Variants in TMEM62 observed in about 807,000 individuals in gnomAD.
TMEM62 encodes the protein transmembrane protein 62.
TMEM62 carries 41 observed loss-of-function variants against 70.4 expected under a neutral mutation model. The ratio of observed to expected loss-of-function variants is 0.58; its 90% CI spans 0.45 to 0.76. The LOEUF is 0.76. TMEM62 is among the 30% of genes least tolerant of loss of function. The probability of loss-of-function intolerance (pLI) is 0.00; values close to 1 mark genes in which losing one functional copy is unlikely to be tolerated. For synonymous variants in TMEM62, 268 were observed against 291.0 expected (o/e 0.92, Z 0.80); for missense variants, 688 against 788.5 (o/e 0.87, Z 1.53).
intron 3 of TMEM62, among the ~76,000 whole-genome samples, chr15:43,137,302 T>A (rs2035365387): frequency 1.3e-5 from 2 of 152,250 alleles, no homozygotes; most frequent in Admixed American, 1.3e-4. Flanking sequence ...ATCACATGAT[T>A]AAGACAAGAG....
chr15:43,183,624 C>T (rs904015900), intron 13 of TMEM62, among the ~76,000 whole-genome samples: 1 of 152,008 alleles, frequency 6.6e-6, no homozygotes, highest in Non-Finnish European at 1.5e-5. Flanking sequence ...GAACTAATCA[C>T]GATCTGTAAT....
At chr15:43,148,715 A>G in intron 5 of TMEM62, 40 bp from the exon 6 acceptor site, 1 of 1,602,456 alleles carries the variant, frequency 6.2e-7, no homozygotes. Flanking sequence ...TTTTAGCCTG[A>G]GCCCTAATTT....
In TMEM62 at chr15:43,134,355, C is replaced by A; in HGVS notation, c.279C>A (p.Leu93=). The A allele has an allele frequency of 1.2e-6, 2 of 1,613,642 alleles. No homozygotes were observed. Among genetic ancestry groups the A allele is most frequent in the South Asian group, 2.2e-5 (2 of 91,038 alleles). Residue 93 remains leucine (L), a synonymous_variant, in exon 2 of 14, where the codon CTC becomes CTA. Transcript: ENST00000260403. Reference sequence around the variant, plus strand: ...CTATTGACATCATTCAACCAGCTCTCGTCCTAGCAACAGGTAGGGAGGCTT... The same window carrying A: ...CTATTGACATCATTCAACCAGCTCTAGTCCTAGCAACAGGTAGGGAGGCTT... ...SETIDIIQPA[L]VLATGDLTDA...
chr15:43,175,685 T>G (rs2040648476), intron 11 of TMEM62, among the ~76,000 whole-genome samples: 1 of 152,120 alleles, frequency 6.6e-6, no homozygotes, highest in African/African-American at 2.4e-5. Flanking sequence ...ACTGTAGAAA[T>G]AGGGAAAGCG....
intron 3 of TMEM62, among the ~76,000 whole-genome samples, chr15:43,136,644 T>TG (rs2035263218): frequency 1.5e-5 from 2 of 137,468 alleles, no homozygotes; most frequent in Admixed American, 1.5e-4. Context: ...TTAGAAGAGG[T>TG]GGGGTTTCAC....
chr15:43,168,110 T>A (rs944571465), intron 10 of TMEM62, among the ~76,000 whole-genome samples: 3 of 139,378 alleles, frequency 2.2e-5, no homozygotes, highest in African/African-American at 8.0e-5. Context: ...AGAGGGAGAC[T>A]GTGGAAAGAG....
intron 4 of TMEM62, among the ~76,000 whole-genome samples, chr15:43,142,656 A>G (rs896178046): frequency 6.6e-6 from 1 of 151,872 alleles, no homozygotes; most frequent in African/African-American, 2.4e-5. Context: ...TTTTAGCAGT[A>G]AGGTTTTTTT....
At chr15:43,154,454 A>T (rs2037793621) in intron 8 of TMEM62, among the ~76,000 whole-genome samples, 1 of 152,246 alleles carries the variant, frequency 6.6e-6, no homozygotes, top group African/African-American at 2.4e-5. Flanking sequence ...GTAAAAGAAT[A>T]GTTCCGAATT....
chr15:43,178,762 C>A, intron 12 of TMEM62, 51 bp downstream of exon 12: 1 of 1,049,818 alleles, frequency 9.5e-7, no homozygotes, highest in Non-Finnish European at 1.4e-6. Context: ...AATATATTAA[C>A]AATTTTGACA....
chr15:43,148,214 C>A (rs1230015864), intron 5 of TMEM62, among the ~76,000 whole-genome samples: 1 of 152,134 alleles, frequency 6.6e-6, no homozygotes, highest in Non-Finnish European at 1.5e-5. Context: ...ACAGTATGTA[C>A]TCTTGGGTCT....
At position 43,160,750 on chromosome 15, in the gene TMEM62, G is replaced by T; in HGVS notation, c.1252G>T (p.Asp418Tyr). The T allele has an allele frequency of 1.2e-6, 2 of 1,612,550 alleles. No individual in the cohort carries two copies. Among genetic ancestry groups the T allele is most frequent in the Non-Finnish European group, 1.7e-6 (2 of 1,179,084 alleles). The part of the protein sequence containing the change: ...SVQENNHLSF[D>Y]PLASFILRTD... ...TCAAGAGAATAATCATCTCAGTTTTGATCCCCTGGCATCATTTATTCTCCG... is the reference window on the plus strand; with the variant it reads ...TCAAGAGAATAATCATCTCAGTTTTTATCCCCTGGCATCATTTATTCTCCG... The change falls in exon 10 of 14, where the codon GAT becomes TAT. Residue 418 changes from aspartate to tyrosine, a missense_variant. By Grantham distance (160) the Asp-to-Tyr change is radical (BLOSUM62 -3). Coordinates refer to ENST00000260403, the MANE Select transcript of TMEM62 (RefSeq NM_024956.4).
At chr15:43,174,465 T>C (rs936435524) in intron 11 of TMEM62, among the ~76,000 whole-genome samples, 2 of 152,228 alleles carry the variant, frequency 1.3e-5, no homozygotes, top group Non-Finnish European at 2.9e-5. Flanking sequence ...CATGTGTATT[T>C]TCCTGAACAT....
At chr15:43,139,371 T>C (rs1312462523) in intron 4 of TMEM62, among the ~76,000 whole-genome samples, 4 of 152,148 alleles carry the variant, frequency 2.6e-5, no homozygotes, top group African/African-American at 9.7e-5. Context: ...ATATTAAAAT[T>C]AGGCCAGTTA....
chr15:43,150,189 G>A (rs1265640422), intron 7 of TMEM62, among the ~76,000 whole-genome samples: 1 of 152,142 alleles, frequency 6.6e-6, no homozygotes, highest in Non-Finnish European at 1.5e-5. Flanking sequence ...CATTTTGGTT[G>A]ACTTTTTAAA....
chr15:43,136,478 T>G (rs1162751863), intron 3 of TMEM62, among the ~76,000 whole-genome samples: 1 of 152,182 alleles, frequency 6.6e-6, no homozygotes, highest in Non-Finnish European at 1.5e-5. Flanking sequence ...AGAGTCTCAC[T>G]CTATCACCCA....
At chr15:43,161,893 C>A (rs2038749426) in intron 10 of TMEM62, among the ~76,000 whole-genome samples, 1 of 151,968 alleles carries the variant, frequency 6.6e-6, no homozygotes, top group South Asian at 2.1e-4. Flanking sequence ...AACTCCTGAC[C>A]TCAGGCAATC....
intron 10 of TMEM62, among the ~76,000 whole-genome samples, chr15:43,167,066 G>C (rs971539625): frequency 6.6e-6 from 1 of 152,178 alleles, no homozygotes. Flanking sequence ...CTCCCAGACG[G>C]GGTGGTGGCC....
In TMEM62 at chr15:43,184,241, T is replaced by C. The variant is rs188842036; in HGVS notation, c.1606-19T>C. The C allele has an allele frequency of 1.6e-5, 26 of 1,599,936 alleles. No homozygotes were observed. The highest frequency in any genetic ancestry group is 2.0e-5 in the Non-Finnish European group (23 of 1,172,546). ...CTTCCAAGGACTTGGGAGTAAGCTA[T>C]GGTTCTGTTCTTTTCCAGCTGGCGT... is the stretch of plus-strand genomic sequence containing the variant. On this transcript the variant is annotated intron_variant, in intron 13 of 13. Transcript: ENST00000260403.
intron 5 of TMEM62, 53 bp from the exon 6 acceptor site, chr15:43,148,702 A>G (rs2036976609): frequency 3.8e-6 from 6 of 1,590,836 alleles, no homozygotes; most frequent in Admixed American, 3.7e-5. Flanking sequence ...TGTTGACATT[A>G]GATTTTAGCC....
Sources: allele counts gnomAD v4.1 joint callset (sites outside exome capture counted in the v4.1 genomes callset), GRCh38; gene constraint gnomAD v4.1.1; transcripts MANE v1.5; gene names NCBI Gene and HGNC (gene_info 2026-07-23, HGNC 2026-07-21).